KHDRBS3: variants seen among roughly 807,000 people sequenced by gnomAD.
KHDRBS3 encodes the protein KH RNA binding domain containing, signal transduction associated 3, also known as KH domain-containing, RNA-binding, signal transduction-associated protein 3.
Under a neutral mutation model 45.6 loss-of-function variants are expected in KHDRBS3, and 23 were observed. The observed-to-expected ratio is 0.50, with a 90% CI of 0.36 to 0.72. The LOEUF is 0.72. KHDRBS3 is among the 30% of genes least tolerant of loss of function. The pLI is 0.00. For missense variants in KHDRBS3, 352 were observed against 424.8 expected (o/e 0.83, Z 1.51); for synonymous variants, 162 against 156.5 (o/e 1.04, Z -0.26).
chr8:135,563,189 A>T (rs973652288), intron 5 of KHDRBS3, among the ~76,000 whole-genome samples: 2 of 152,184 alleles, frequency 1.3e-5, no homozygotes, highest in African/African-American at 4.8e-5. Context: ...GCACTTACAT[A>T]ATCCAGCACT....
intron 7 of KHDRBS3, among the ~76,000 whole-genome samples, chr8:135,635,786 T>A (rs1388213125): frequency 6.6e-6 from 1 of 152,232 alleles, no homozygotes; most frequent in African/African-American, 2.4e-5. Flanking sequence ...GTCTGCTGTA[T>A]ACTTGGGTTT....
intron 3 of KHDRBS3, among the ~76,000 whole-genome samples, chr8:135,545,270 AAGG>A (rs1826237295): frequency 6.6e-6 from 1 of 152,068 alleles, no homozygotes; most frequent in Admixed American, 6.5e-5. Context: ...AGGAGATGAT[AAGG>A]AGGAGGAGTA....
chr8:135,484,331 C>T (rs950492875), intron 1 of KHDRBS3, among the ~76,000 whole-genome samples: 1 of 152,194 alleles, frequency 6.6e-6, no homozygotes, highest in African/African-American at 2.4e-5. Context: ...GACCTTCTTC[C>T]CTAAGAGTTA....
intron 4 of KHDRBS3, among the ~76,000 whole-genome samples, chr8:135,654,841 G>A (rs546001980): frequency 2.0e-5 from 3 of 152,306 alleles, no homozygotes; most frequent in South Asian, 2.1e-4. Context: ...TCCCCTGCAC[G>A]GGCTCATTGC....
chr8:135,601,994 C>T (rs999256451), intron 6 of KHDRBS3, among the ~76,000 whole-genome samples: 1 of 152,218 alleles, frequency 6.6e-6, no homozygotes, highest in East Asian at 1.9e-4. Context: ...CTCAGATCAC[C>T]CAGTCCTCAG....
chr8:135,604,195 T>A (rs1829347382), intron 6 of KHDRBS3, among the ~76,000 whole-genome samples: 1 of 152,046 alleles, frequency 6.6e-6, no homozygotes, highest in South Asian at 2.1e-4. Context: ...TCTAATAATT[T>A]TTGTCTTAAA....
chr8:135,459,752 T>C (rs1821333818), intron 1 of KHDRBS3, among the ~76,000 whole-genome samples: 1 of 152,242 alleles, frequency 6.6e-6, no homozygotes, highest in Non-Finnish European at 1.5e-5. Context: ...TGCCATAGTA[T>C]TGTGTTGCTA....
chr8:135,521,302 A>C lies in KHDRBS3; in HGVS notation c.154A>C (p.Lys52Gln). Residue 52 changes from lysine (K) to glutamine (Q), a missense_variant, in exon 2 of 9, where the codon AAG becomes CAG. By Grantham distance (53) the Lys-to-Gln change is moderately conservative. Transcript: ENST00000355849. ...AAAGTACATCGATGTGGTGATTAAT[A>C]AGAACATGAAGCTGGGACAGAAAGT... Reference protein sequence around the residue: ...EEKYIDVVINKNMKLGQKVLI... With the variant: ...EEKYIDVVINQNMKLGQKVLI... 1 of 1,613,728 alleles carries C rather than the reference A, an allele frequency of 6.2e-7. No individual in the cohort carries two copies.
intron 7 of KHDRBS3, among the ~76,000 whole-genome samples, chr8:135,624,646 C>G (rs937336373): frequency 1.3e-5 from 2 of 152,210 alleles, no homozygotes; most frequent in Non-Finnish European, 2.9e-5. Context: ...TGTGAGGCTT[C>G]AAGCAGCCCT....
intron 7 of KHDRBS3, chr8:135,626,041 A>G (rs998874617): frequency 1.7e-6 from 1 of 591,576 alleles, no homozygotes. Flanking sequence ...CCAGTTCCTT[A>G]CTTTTTAGGC....
At chr8:135,499,378 G>C (rs985467096) in intron 1 of KHDRBS3, among the ~76,000 whole-genome samples, 2 of 152,196 alleles carry the variant, frequency 1.3e-5, no homozygotes, top group Admixed American at 1.3e-4. Context: ...CGGCTGCTAA[G>C]TGGTGGAGCT....
At chr8:135,650,207 C>A (rs770241020), downstream of KHDRBS3, among the ~76,000 whole-genome samples, 1 of 152,094 alleles carries the variant, frequency 6.6e-6, no homozygotes, top group Non-Finnish European at 1.5e-5. Context: ...ATTCAAATAC[C>A]GCAAAACCGA....
chr8:135,515,316 A>G (rs1380921000), intron 1 of KHDRBS3, among the ~76,000 whole-genome samples: 2 of 137,896 alleles, frequency 1.5e-5, no homozygotes, highest in Non-Finnish European at 3.0e-5. Context: ...CAGTGAGCCA[A>G]GATCACGCCA....
intron 2 of KHDRBS3, among the ~76,000 whole-genome samples, chr8:135,533,580 A>G (rs182754680): frequency 5.3e-5 from 8 of 152,294 alleles, no homozygotes; most frequent in African/African-American, 1.9e-4. Context: ...AGACTGTGGA[A>G]TATTTGAGGT....
chr8:135,610,516 G>C (rs745579449), intron 7 of KHDRBS3, among the ~76,000 whole-genome samples: 1 of 146,018 alleles, frequency 6.8e-6, no homozygotes, highest in Non-Finnish European at 1.5e-5. Context: ...GGAATACAAA[G>C]ATTATTAAGA....
At chr8:135,465,236 C>T (rs1821635965) in intron 1 of KHDRBS3, among the ~76,000 whole-genome samples, 1 of 152,194 alleles carries the variant, frequency 6.6e-6, no homozygotes, top group Non-Finnish European at 1.5e-5. Context: ...GTTTCCCCAT[C>T]TGTGAAATTG....
chr8:135,592,727 A>C (rs1025924275), intron 6 of KHDRBS3, among the ~76,000 whole-genome samples: 1 of 146,908 alleles, frequency 6.8e-6, no homozygotes, highest in African/African-American at 2.5e-5. Context: ...TACCCAGGGA[A>C]TTAGTAAATC....
At chr8:135,469,531 T>TA (rs1563699791) in intron 1 of KHDRBS3, among the ~76,000 whole-genome samples, 4 of 48,744 alleles carry the variant, frequency 8.2e-5, no homozygotes, top group Middle Eastern at 0.012. Flanking sequence ...TGGTTTTTTT[T>TA]TTTTTTTTTT....
intron 6 of KHDRBS3, among the ~76,000 whole-genome samples, chr8:135,585,867 C>G (rs193185915): frequency 6.6e-6 from 1 of 152,232 alleles, no homozygotes; most frequent in East Asian, 1.9e-4. Flanking sequence ...GACTTGATAA[C>G]ATTGTTCAGA....
Sources: allele counts gnomAD v4.1 joint callset (sites outside exome capture counted in the v4.1 genomes callset), GRCh38; gene constraint gnomAD v4.1.1; transcripts MANE v1.5; gene names NCBI Gene and HGNC (gene_info 2026-07-23, HGNC 2026-07-21).